The following ZNF697 variants were observed in gnomAD, a reference collection of about 807,000 sequenced individuals.
ZNF697 encodes zinc finger protein 697.
ZNF697 carries 23 observed loss-of-function variants against 32.4 expected under a neutral mutation model. The observed-to-expected ratio is 0.71, with a 90% CI of 0.51 to 1.01. The LOEUF (loss-of-function observed/expected upper bound fraction) is 1.01. Among genes scored for constraint, ZNF697 ranks in the 50% least tolerant of loss-of-function variants. The probability of loss-of-function intolerance (pLI) is 0.00; values close to 1 mark genes in which losing one functional copy is unlikely to be tolerated. For synonymous variants in ZNF697, 418 were observed against 337.2 expected, an observed-to-expected ratio of 1.24 and a Z score of -2.62; for missense variants, 930 against 794.0, an observed-to-expected ratio of 1.17 and a Z score of -2.06.
At chr1:119,625,773 G>C in intron 2 of ZNF697, 102 bp downstream of exon 2, 1 of 1,454,324 alleles carries the variant, frequency 6.9e-7, no homozygotes, top group Non-Finnish European at 9.2e-7. Context: ...CCCCTCTATG[G>C]AACTCCCTTA....
Position 119,621,300 on chromosome 1 carries a change from TCTTCAGGACAG to T in ZNF697, c.*1394_*1404del, listed in dbSNP as rs1486955443. 1.3e-5 allele frequency: 2 copies of T among 152,546 alleles called. No homozygotes were observed. Among genetic ancestry groups the T allele is most frequent in the Non-Finnish European group, 2.9e-5 (2 of 68,044 alleles). The allele number at this position is 152,546 out of a possible 1,614,324, so 9.4% of individuals were successfully genotyped here. A position where few individuals can be genotyped will look rare whatever the true frequency, so the allele number is the denominator to read the frequency against. ...AATTATTCACACTGTCCTCAGCCTC[TCTTCAGGACAG>T]CCTGCACACTCCTGTTCCCAGGCCT... On this transcript the variant is annotated 3_prime_UTR_variant, in exon 3 of 3. Coordinates refer to ENST00000421812, the MANE Select transcript of ZNF697 (RefSeq NM_001080470.2).
At chr1:119,645,804 G>A (rs1004019364) in intron 1 of ZNF697, among the ~76,000 whole-genome samples, 1 of 152,084 alleles carries the variant, frequency 6.6e-6, no homozygotes, top group Non-Finnish European at 1.5e-5. Flanking sequence ...TAGAATCTTA[G>A]ATACAAAGAA....
In ZNF697 at chr1:119,626,006, C is replaced by T. The variant is rs1367349116; in HGVS notation, c.95G>A (p.Gly32Glu). 4.3e-6 allele frequency: 7 copies of T among 1,613,876 alleles called. No individual in the cohort carries two copies. Among genetic ancestry groups the T allele is most frequent in the South Asian group, 2.2e-5 (2 of 91,078 alleles). Residue 32 changes from glycine to glutamate, a missense_variant, in exon 2 of 3, where the codon GGG becomes GAG. Gly to Glu is a moderately conservative substitution (Grantham distance 98, BLOSUM62 -2). Transcript: ENST00000421812. ...GCCCATTTCTCTTTCTTCTGGGTCC[C>T]CTTCCCTGTCCTCAGAGTCCTCAAA... ...SDFEDSEDRE[G>E]DPEEREMGSN... is the part of the protein sequence containing the mutation.
intron 1 of ZNF697, among the ~76,000 whole-genome samples, chr1:119,647,074 G>C (rs1321237): frequency 3.3e-5 from 5 of 151,838 alleles, no homozygotes; most frequent in South Asian, 4.2e-4. Context: ...TCACTCCTGT[G>C]GGGGAGGCAG....
rs1648434109 is a variant in ZNF697, at chr1:119,623,467, G to A, written c.876C>T (p.Ala292=). 2 of 1,563,076 alleles carry A rather than the reference G, an allele frequency of 1.3e-6. No individual in the cohort carries two copies. Among genetic ancestry groups the A allele is most frequent in the African/African-American group, 1.4e-5 (1 of 70,578 alleles). The change falls in exon 3 of 3, where the codon GCC becomes GCT. Residue 292 remains alanine (A), a synonymous_variant. Transcript: ENST00000421812. ...GCCAGCTGAAGCTCTTGCCGCAGTC[G>A]GCGCACAGGTTGGGCCGCTCGCCCG... is the stretch of plus-strand genomic sequence containing the variant. ...LHTGERPNLC[A]DCGKSFSWRA...
chr1:119,636,405 T>C (rs1648922434), intron 1 of ZNF697, among the ~76,000 whole-genome samples: 1 of 121,262 alleles, frequency 8.2e-6, no homozygotes, highest in Non-Finnish European at 1.9e-5. Flanking sequence ...ATACATTTCC[T>C]TATCATAACA....
intron 1 of ZNF697, among the ~76,000 whole-genome samples, chr1:119,641,798 T>C (rs975544009): frequency 6.6e-6 from 1 of 152,190 alleles, no homozygotes; most frequent in African/African-American, 2.4e-5. Context: ...TCTGCTGCCA[T>C]GTGAAGAAGG....
intron 1 of ZNF697, among the ~76,000 whole-genome samples, chr1:119,641,492 A>C (rs1463046085): frequency 2.0e-5 from 3 of 152,216 alleles, no homozygotes; most frequent in African/African-American, 7.2e-5. Context: ...AACTCTTAAA[A>C]CCCAATTAAA....
chr1:119,629,085 C>T (rs1200948297), intron 1 of ZNF697, among the ~76,000 whole-genome samples: 2 of 152,200 alleles, frequency 1.3e-5, no homozygotes, highest in Non-Finnish European at 2.9e-5. Flanking sequence ...AGCAGGGATA[C>T]ATACCCTTGC....
At chr1:119,632,696 A>G (rs970752202) in intron 1 of ZNF697, among the ~76,000 whole-genome samples, 1 of 152,108 alleles carries the variant, frequency 6.6e-6, no homozygotes. Context: ...CCAATCCTCC[A>G]CCACCACCCT....
rs150352509 is a variant in ZNF697 at position 119,623,431 on chromosome 1, C to G, written c.912G>C (p.Leu304=). 1 of 1,540,124 alleles carries G rather than the reference C, an allele frequency of 6.5e-7. No homozygotes were observed. Among genetic ancestry groups the G allele is most frequent in the South Asian group, 1.2e-5 (1 of 83,632 alleles). Residue 304 remains leucine, a synonymous_variant, in exon 3 of 3, where the codon CTG becomes CTC. Transcript: ENST00000421812. ...CCGTGTGCAGGCGCCGGTGCTTGAGCAGGTCGGCGCGCCAGCTGAAGCTCT... is the reference window on the plus strand; with the variant it reads ...CCGTGTGCAGGCGCCGGTGCTTGAGGAGGTCGGCGCGCCAGCTGAAGCTCT... The part of the protein sequence containing the change: ...CGKSFSWRAD[L]LKHRRLHTGE...
chr1:119,626,704 G>T (rs887702691), intron 1 of ZNF697, among the ~76,000 whole-genome samples: 3 of 152,204 alleles, frequency 2.0e-5, no homozygotes, highest in Admixed American at 6.5e-5. Context: ...GAAGCATCAA[G>T]TATAGTAACT....
intron 1 of ZNF697, among the ~76,000 whole-genome samples, chr1:119,633,224 A>G (rs1648827864): frequency 6.6e-6 from 1 of 152,246 alleles, no homozygotes; most frequent in Non-Finnish European, 1.5e-5. Context: ...TGGTGTCTCC[A>G]GTGATCTTTG....
chr1:119,640,109 A>G (rs1557941379), intron 1 of ZNF697, among the ~76,000 whole-genome samples: 1 of 152,196 alleles, frequency 6.6e-6, no homozygotes, highest in East Asian at 1.9e-4. Context: ...AAATAGAATC[A>G]TACTTACAAT....
At position 119,623,971 on chromosome 1, in the gene ZNF697, A is replaced by G. The variant is rs772380695; in HGVS notation, c.372T>C (p.Ala124=). Residue 124 remains alanine (A), a synonymous_variant, in exon 3 of 3, where the codon GCT becomes GCC. Coordinates refer to ENST00000421812, the MANE Select transcript of ZNF697 (RefSeq NM_001080470.2). ...CTTCCTCCTCCAGCCGGTTCTCCCC[A>G]GCACTCTCGTCGTCGTCCTCCCGGA... ...RSLREDDDES[A]GENRLEEEEE... 3.7e-6 allele frequency: 6 copies of G among 1,608,944 alleles called. No individual in the cohort carries two copies. The Admixed American group carries it at 8.4e-5, about 23-fold the overall frequency.
chr1:119,639,817 C>A (rs1282765970), intron 1 of ZNF697, among the ~76,000 whole-genome samples: 2 of 151,838 alleles, frequency 1.3e-5, no homozygotes, highest in Non-Finnish European at 2.9e-5. Flanking sequence ...GGTATTCACA[C>A]CACTGGACTT....
intron 1 of ZNF697, among the ~76,000 whole-genome samples, chr1:119,636,543 G>A (rs1400217910): frequency 6.6e-6 from 1 of 152,184 alleles, no homozygotes; most frequent in Non-Finnish European, 1.5e-5. Context: ...AAAGCAGGGA[G>A]TAGCACAGAC....
intron 1 of ZNF697, among the ~76,000 whole-genome samples, chr1:119,646,514 G>C (rs1356510398): frequency 6.6e-6 from 1 of 151,986 alleles, no homozygotes; most frequent in Non-Finnish European, 1.5e-5. Context: ...TCCCAAAGAA[G>C]CTAAGGAAGA....
At position 119,622,341 on chromosome 1, in the gene ZNF697, G is replaced by A. The variant is rs1030296200; in HGVS notation, c.*364C>T. The A allele has an allele frequency of 1.3e-5, 3 of 223,704 alleles. No homozygotes were observed. Among genetic ancestry groups the A allele is most frequent in the African/African-American group, 6.8e-5 (3 of 43,802 alleles). The allele number at this position is 223,704 out of a possible 1,614,324, so 13.9% of individuals were successfully genotyped here. The stretch of plus-strand genomic sequence containing the variant: ...AACCCTCTCCCCGCAACCTTCTACA[G>A]GCCATCGCGGCCTACCCTAGTCTAT... On this transcript the variant is annotated 3_prime_UTR_variant, in exon 3 of 3. Transcript: ENST00000421812.
Sources: allele counts gnomAD v4.1 joint callset (sites outside exome capture counted in the v4.1 genomes callset), GRCh38; gene constraint gnomAD v4.1.1; transcripts MANE v1.5; gene names NCBI Gene and HGNC (gene_info 2026-07-23, HGNC 2026-07-21).